PDSS2: variants seen among roughly 807,000 people sequenced by gnomAD.
PDSS2 encodes the protein all trans-polyprenyl-diphosphate synthase PDSS2.
PDSS2 carries 31 observed loss-of-function variants against 44.5 expected under a neutral mutation model. The ratio of observed to expected loss-of-function variants is 0.70; its 90% confidence interval spans 0.52 to 0.94. The LOEUF is 0.94. Ranked by LOEUF, PDSS2 falls within the 40% of genes least tolerant of loss-of-function variation. PDSS2 has a pLI of 0.00. For synonymous variants in PDSS2, 157 were observed against 180.3 expected, an observed-to-expected ratio of 0.87 and a Z score of 1.03; for missense variants, 452 against 482.2, an observed-to-expected ratio of 0.94 and a Z score of 0.59.
intron 1 of PDSS2, among the ~76,000 whole-genome samples, chr6:107,341,050 G>A (rs543061794): frequency 1.3e-5 from 2 of 152,320 alleles, no homozygotes; most frequent in East Asian, 3.9e-4. Context: ...GTTACTCTGA[G>A]CCTAATCCTG....
intron 2 of PDSS2, among the ~76,000 whole-genome samples, chr6:107,333,832 G>A (rs760639996): frequency 2.0e-5 from 3 of 152,042 alleles, no homozygotes; most frequent in Non-Finnish European, 4.4e-5. Flanking sequence ...CACTGTGCCC[G>A]GCCAACAAGG....
At chr6:107,320,074 A>G (rs1166349101) in intron 2 of PDSS2, among the ~76,000 whole-genome samples, 1 of 152,228 alleles carries the variant, frequency 6.6e-6, no homozygotes, top group Non-Finnish European at 1.5e-5. Context: ...CATTGGGAAC[A>G]CAGTCGTTTG....
At chr6:107,264,237 T>C in intron 3 of PDSS2, 1 of 1,265,950 alleles carries the variant, frequency 7.9e-7, no homozygotes. Flanking sequence ...GGGAGATTTA[T>C]ATGCATAAAT....
intron 1 of PDSS2, among the ~76,000 whole-genome samples, chr6:107,431,933 T>G (rs1781205966): frequency 6.6e-6 from 1 of 152,206 alleles, no homozygotes; most frequent in Admixed American, 6.5e-5. Context: ...GTCTTGGAAT[T>G]AAAATTCAGG....
At chr6:107,427,174 T>G (rs530407474) in intron 1 of PDSS2, among the ~76,000 whole-genome samples, 20 of 152,326 alleles carry the variant, frequency 1.3e-4, no homozygotes, top group African/African-American at 4.6e-4. Context: ...TTTCCTGTGC[T>G]GTTCTTGTGA....
At chr6:107,393,778 G>A (rs970039855) in intron 1 of PDSS2, among the ~76,000 whole-genome samples, 7 of 152,186 alleles carry the variant, frequency 4.6e-5, no homozygotes, top group South Asian at 4.1e-4. Context: ...CAGTTTTTAC[G>A]ATTGAAAGTA....
At chr6:107,391,834 GA>G (rs962327720) in intron 1 of PDSS2, among the ~76,000 whole-genome samples, 1 of 144,212 alleles carries the variant, frequency 6.9e-6, no homozygotes, top group African/African-American at 2.5e-5. Context: ...CATAGATTTT[GA>G]AAAAAAAGAT....
chr6:107,210,673 T>C, intron 5 of PDSS2, 103 bp from the exon 6 acceptor site: 2 of 795,728 alleles, frequency 2.5e-6, no homozygotes. Context: ...ATATGAAGCT[T>C]AAGGAATGCA....
intron 1 of PDSS2, among the ~76,000 whole-genome samples, chr6:107,410,380 G>A (rs1314773182): frequency 6.6e-6 from 1 of 152,090 alleles, no homozygotes; most frequent in Non-Finnish European, 1.5e-5. Context: ...GAATCCACAG[G>A]TGCATGTGCG....
intron 1 of PDSS2, among the ~76,000 whole-genome samples, chr6:107,409,964 A>G (rs996447758): frequency 1.3e-5 from 2 of 152,202 alleles, no homozygotes; most frequent in Non-Finnish European, 2.9e-5. Context: ...ATCAAAGGAT[A>G]AGCAAGTTTT....
rs139474898 is a variant in PDSS2, at chr6:107,454,228, T to C, written c.296+4762A>G. Among the ~76,000 whole-genome samples, 19 of 152,052 alleles carry C rather than the reference T, an allele frequency of 1.2e-4. No homozygotes were observed. In the East Asian group the frequency reaches 3.5e-3, roughly 28 times the overall value. On this transcript the variant is annotated intron_variant, in intron 1 of 7. Transcript: ENST00000369037. ...AACCCGGATAATTTTTGGTATTTTT[T>C]GTAGAGATGGGGTTTCACCATGTTG...
chr6:107,255,780 T>C (rs1774999713), intron 3 of PDSS2, among the ~76,000 whole-genome samples: 1 of 152,178 alleles, frequency 6.6e-6, no homozygotes, highest in Non-Finnish European at 1.5e-5. Flanking sequence ...TTCCAAATTT[T>C]TGATGCAGTT....
At chr6:107,375,000 C>A (rs528159075) in intron 1 of PDSS2, among the ~76,000 whole-genome samples, 1 of 151,762 alleles carries the variant, frequency 6.6e-6, no homozygotes, top group African/African-American at 2.4e-5. Context: ...TCCACATAAT[C>A]CATGGGACAA....
intron 3 of PDSS2, among the ~76,000 whole-genome samples, chr6:107,250,855 G>A (rs1225882313): frequency 6.6e-6 from 1 of 151,854 alleles, no homozygotes; most frequent in Non-Finnish European, 1.5e-5. Flanking sequence ...TAAAATACAA[G>A]TAAATTTTTT....
chr6:107,433,979 G>A (rs1027524060), intron 1 of PDSS2, among the ~76,000 whole-genome samples: 6 of 152,048 alleles, frequency 3.9e-5, no homozygotes, highest in South Asian at 2.1e-4. Context: ...ACATTCAAAC[G>A]GCAAACAGGT....
At chr6:107,185,123 TA>T (rs11317647) in intron 7 of PDSS2, among the ~76,000 whole-genome samples, 52,880 of 88,882 alleles carry the variant, frequency 0.59, 12,488 homozygotes, top group South Asian at 0.71. Flanking sequence ...ACCTTATATC[TA>T]AAAAAAAAAA....
At chr6:107,181,197 G>A (rs564216743) in intron 7 of PDSS2, among the ~76,000 whole-genome samples, 1 of 152,112 alleles carries the variant, frequency 6.6e-6, no homozygotes, top group Non-Finnish European at 1.5e-5. Context: ...AGAATCTGAA[G>A]AAAAATAAAA....
At chr6:107,214,733 C>T (rs1353877070) in intron 4 of PDSS2, among the ~76,000 whole-genome samples, 2 of 152,158 alleles carry the variant, frequency 1.3e-5, no homozygotes, top group Non-Finnish European at 2.9e-5. Flanking sequence ...TCCTCTTCTG[C>T]CATGTTGAGG....
At chr6:107,166,509 C>T (rs748433488) in intron 7 of PDSS2, among the ~76,000 whole-genome samples, 107 of 151,952 alleles carry the variant, frequency 7.0e-4, no homozygotes, top group Non-Finnish European at 1.2e-3. Context: ...GGACTACAGG[C>T]GCCTGCCACC....
Sources: gnomAD v4.1 joint callset for allele counts (sites outside exome capture counted in the v4.1 genomes callset) on GRCh38, gnomAD v4.1.1 for gene constraint, MANE v1.5 for transcripts, NCBI Gene and HGNC (gene_info 2026-07-23, HGNC 2026-07-21) for gene names.